Variants in RICTOR observed in about 807,000 individuals in gnomAD.
RICTOR encodes the protein RPTOR independent companion of MTOR complex 2.
A neutral mutation model predicts 214.9 loss-of-function variants in RICTOR; 49 were observed. The ratio of observed to expected loss-of-function variants is 0.23; its 90% CI spans 0.18 to 0.29. RICTOR has a LOEUF of 0.29. Among genes scored for constraint, RICTOR ranks in the 10% least tolerant of loss-of-function variants. The pLI, the probability that RICTOR is intolerant of heterozygous loss-of-function variation, is 1.00. For missense variants in RICTOR, 1,625 were observed against 2,047.0 expected (o/e 0.79, Z 3.98); for synonymous variants, 717 against 711.3 (o/e 1.01, Z -0.13).
Position 39,028,268 on chromosome 5 carries a change from C to T in RICTOR, c.98-7132G>A, listed in dbSNP as rs188191079. ...CGGGATCTCGGCTCACTGCAAGCTC[C>T]GCCTCACGGGTTCACGCCATTCTCC... On this transcript the variant is annotated intron_variant, in intron 2 of 37. Transcript: ENST00000357387. 9.1e-3 allele frequency among the ~76,000 whole-genome samples: 1,348 copies of T among 148,304 alleles called. 7 individuals are homozygous for T. Among genetic ancestry groups the T allele is most frequent in the Non-Finnish European group, 0.014 (942 of 67,170 alleles).
At position 38,960,546 on chromosome 5, in the gene RICTOR, C is replaced by G; in HGVS notation, c.1716-13G>C. On this transcript the variant is annotated splice_polypyrimidine_tract_variant and intron_variant, in intron 19 of 37. Transcript: ENST00000357387. ...TCTTCGTACAAACCTAAAATCAAAACACAAGTAGCAAAAAGGTAAGAAATG... is the reference window on the plus strand; with the variant it reads ...TCTTCGTACAAACCTAAAATCAAAAGACAAGTAGCAAAAAGGTAAGAAATG... 6.2e-7 allele frequency: 1 copy of G among 1,609,566 alleles called. No homozygotes were observed. The highest frequency in any genetic ancestry group is 8.5e-7 in the Non-Finnish European group (1 of 1,177,678).
At chr5:38,970,525 T>A (rs1000924092) in intron 11 of RICTOR, 9 of 152,222 alleles carry the variant, frequency 5.9e-5, no homozygotes, top group African/African-American at 1.9e-4. Flanking sequence ...TTTCCATTTA[T>A]AATTATATCC....
At chr5:39,025,922 A>C (rs1050715314) in intron 2 of RICTOR, among the ~76,000 whole-genome samples, 1 of 152,228 alleles carries the variant, frequency 6.6e-6, no homozygotes, top group Non-Finnish European at 1.5e-5. Context: ...GTCAACCCTT[A>C]GAGTGTCACC....
rs776764143 is a variant in RICTOR at position 38,949,742 on chromosome 5, T to C, written c.4106A>G (p.Asn1369Ser). The C allele has an allele frequency of 1.2e-6, 2 of 1,613,246 alleles. No homozygotes were observed. The highest frequency in any genetic ancestry group is 1.7e-6 in the Non-Finnish European group (2 of 1,179,458). Residue 1369 changes from asparagine to serine, a missense_variant, in exon 31 of 38, where the codon AAC (asparagine) becomes AGC (serine). Around this residue, in one of 5 missense-constraint regions of RICTOR, gnomAD observed 1,214 missense variants for 1,470.5 expected, o/e 0.83. Transcript: ENST00000357387. ...LFTDTITMKA[N>S]SFESRLTPSR... ...TGGTGTTAATCTGGACTCAAAACTG[T>C]TGGCCTTCATGGTGATGGTATCAGT...
intron 3 of RICTOR, among the ~76,000 whole-genome samples, chr5:39,004,142 A>G (rs1753846158): frequency 6.6e-6 from 1 of 151,980 alleles, no homozygotes; most frequent in African/African-American, 2.4e-5. Context: ...TACCCTTTTT[A>G]TTATTCATCA....
chr5:39,053,662 A>G (rs1016214658), intron 2 of RICTOR, among the ~76,000 whole-genome samples: 31 of 152,064 alleles, frequency 2.0e-4, no homozygotes, highest in African/African-American at 7.0e-4. Flanking sequence ...GGAGGCCGAG[A>G]TGGGTGGATC....
intron 10 of RICTOR, among the ~76,000 whole-genome samples, chr5:38,973,389 T>C (rs1420765777): frequency 1.3e-5 from 2 of 152,130 alleles, no homozygotes; most frequent in Admixed American, 1.3e-4. Flanking sequence ...TTAAGATATA[T>C]TAGAATAACA....
intron 27 of RICTOR, among the ~76,000 whole-genome samples, chr5:38,953,816 G>C (rs1749002476): frequency 6.6e-6 from 1 of 151,770 alleles, no homozygotes; most frequent in Admixed American, 6.6e-5. Context: ...ATCTAGAAGA[G>C]TGATAATAAC....
At chr5:39,010,773 A>C (rs1754445684) in intron 3 of RICTOR, among the ~76,000 whole-genome samples, 1 of 152,184 alleles carries the variant, frequency 6.6e-6, no homozygotes, top group South Asian at 2.1e-4. Context: ...TGGTGGAAAA[A>C]ATTTCTAAGC....
At chr5:39,022,721 G>A (rs1435779637) in intron 2 of RICTOR, among the ~76,000 whole-genome samples, 3 of 152,116 alleles carry the variant, frequency 2.0e-5, no homozygotes, top group African/African-American at 7.2e-5. Flanking sequence ...ACTAACAAAA[G>A]CATCAGACAA....
intron 7 of RICTOR, among the ~76,000 whole-genome samples, chr5:38,990,528 T>TATATACACG (rs1190886416): frequency 7.5e-5 from 11 of 146,336 alleles, no homozygotes; most frequent in Non-Finnish European, 1.3e-4. Flanking sequence ...ATATATACGA[T>TATATACACG]ATATATACGA....
At chr5:39,035,032 G>A (rs557340085) in intron 2 of RICTOR, among the ~76,000 whole-genome samples, 1 of 152,198 alleles carries the variant, frequency 6.6e-6, no homozygotes, top group Non-Finnish European at 1.5e-5. Flanking sequence ...GTGGGTCCCT[G>A]ACCCCTGACC....
In RICTOR at chr5:39,065,122, T is replaced by C. The variant is rs79536163; in HGVS notation, c.97+8989A>G. Among the ~76,000 whole-genome samples, 1,191 of 152,316 alleles carry C rather than the reference T, an allele frequency of 7.8e-3. 22 individuals carry two copies. Among genetic ancestry groups the C allele is most frequent in the African/African-American group, 0.028 (1,158 of 41,566 alleles). On this transcript the variant is annotated intron_variant, in intron 2 of 37. Transcript: ENST00000357387. ...GTAATTTATAAGAAAAGAGGTTTAA[T>C]TGGCTATCATTTCTGCAGCCTATAC...
chr5:38,980,099 T>A (rs932404855), intron 8 of RICTOR, among the ~76,000 whole-genome samples: 1 of 152,210 alleles, frequency 6.6e-6, no homozygotes, highest in African/African-American at 2.4e-5. Flanking sequence ...TCCATTTGAT[T>A]TTTTTCACAT....
intron 2 of RICTOR, among the ~76,000 whole-genome samples, chr5:39,039,751 T>C (rs1317083234): frequency 6.6e-6 from 1 of 152,014 alleles, no homozygotes; most frequent in Non-Finnish European, 1.5e-5. Context: ...GAAATGCAAA[T>C]CAAAACCACA....
chr5:39,060,215 C>T (rs1451315865), intron 2 of RICTOR, among the ~76,000 whole-genome samples: 3 of 152,068 alleles, frequency 2.0e-5, no homozygotes, highest in Non-Finnish European at 4.4e-5. Context: ...TTTGGAAAAC[C>T]TGTACTCAAA....
At chr5:38,967,795 T>C in intron 12 of RICTOR, 148 bp downstream of exon 12, 2 of 547,370 alleles carry the variant, frequency 3.7e-6, no homozygotes, top group Non-Finnish European at 6.6e-6. Flanking sequence ...GAACTTGAGG[T>C]TTTATTTTTA....
intron 33 of RICTOR, among the ~76,000 whole-genome samples, chr5:38,946,197 A>G (rs866698157): frequency 3.9e-5 from 6 of 152,302 alleles, no homozygotes; most frequent in African/African-American, 1.4e-4. Flanking sequence ...TACATTGTTC[A>G]TGTGCTACTT....
rs1023740500 is a variant in RICTOR at position 38,950,291 on chromosome 5, G to A, written c.3557C>T (p.Thr1186Ile). 2 of 1,612,940 alleles carry A rather than the reference G, an allele frequency of 1.2e-6. No homozygotes were observed. The highest frequency in any genetic ancestry group is 3.3e-5 in the Admixed American group (2 of 59,902). Reference protein sequence around the residue: ...PSIGENDLKFTKNFGTENHRE... With the variant: ...PSIGENDLKFIKNFGTENHRE... Reference sequence around the variant, plus strand: ...GTGATTCTCTGTACCAAAATTCTTGGTGAATTTTAAGTCATTTTCTCCAAT... The same window carrying A: ...GTGATTCTCTGTACCAAAATTCTTGATGAATTTTAAGTCATTTTCTCCAAT... The change falls in exon 31 of 38, where the codon ACC becomes ATC. Residue 1186 changes from threonine to isoleucine, a missense_variant. By Grantham distance (89) the Thr-to-Ile change is moderately conservative. Around this residue, in one of 5 missense-constraint regions of RICTOR, gnomAD observed 1,214 missense variants for 1,470.5 expected, o/e 0.83. Transcript: ENST00000357387.
Sources: allele counts gnomAD v4.1 joint callset (sites outside exome capture counted in the v4.1 genomes callset), GRCh38; gene constraint gnomAD v4.1.1; regional missense constraint gnomAD v4.1.1; transcripts MANE v1.5; gene names NCBI Gene and HGNC (gene_info 2026-07-23, HGNC 2026-07-21).